Variants in CHSY3 observed in about 807,000 individuals in gnomAD.
CHSY3 encodes N-acetylgalactosaminyl-proteoglycan 3-beta-glucuronosyltransferase 3.
Under a neutral mutation model 67.2 loss-of-function variants are expected in CHSY3, and 35 were observed. The observed-to-expected ratio is 0.52, with a 90% CI of 0.40 to 0.69. The LOEUF is 0.69. Ranked by LOEUF, CHSY3 falls within the 30% of genes least tolerant of loss-of-function variation. The pLI is 0.00. For synonymous variants in CHSY3, 474 were observed against 434.7 expected, an observed-to-expected ratio of 1.09 and a Z score of -1.12; for missense variants, 1,069 against 1,138.5, an observed-to-expected ratio of 0.94 and a Z score of 0.88.
intron 2 of CHSY3, among the ~76,000 whole-genome samples, chr5:129,937,826 C>A (rs540502747): frequency 1.3e-5 from 2 of 152,152 alleles, no homozygotes; most frequent in African/African-American, 2.4e-5. Flanking sequence ...TGTCTCACAT[C>A]CAGGCTACAC....
At chr5:130,081,356 G>C (rs1400675086) in intron 2 of CHSY3, among the ~76,000 whole-genome samples, 1 of 150,646 alleles carries the variant, frequency 6.6e-6, no homozygotes, top group African/African-American at 2.4e-5. Flanking sequence ...TGCAGGACTT[G>C]GGGGAGGGGA....
chr5:130,175,934 A>AG (rs1379947575), intron 2 of CHSY3, among the ~76,000 whole-genome samples: 2 of 152,206 alleles, frequency 1.3e-5, no homozygotes, highest in Non-Finnish European at 2.9e-5. Flanking sequence ...TTCAGGACAT[A>AG]GGCACGGGCA....
chr5:129,948,548 T>G (rs1429601397), intron 2 of CHSY3, among the ~76,000 whole-genome samples: 1 of 152,240 alleles, frequency 6.6e-6, no homozygotes, highest in Non-Finnish European at 1.5e-5. Flanking sequence ...GTTATAAATA[T>G]ATGTTCACAC....
intron 2 of CHSY3, among the ~76,000 whole-genome samples, chr5:129,939,771 A>G (rs1407841937): frequency 6.6e-6 from 1 of 152,190 alleles, no homozygotes; most frequent in Non-Finnish European, 1.5e-5. Context: ...TTTCATGCAG[A>G]TCCTTTACTA....
intron 2 of CHSY3, among the ~76,000 whole-genome samples, chr5:130,099,533 T>C (rs1382468699): frequency 6.6e-6 from 1 of 152,222 alleles, no homozygotes; most frequent in Non-Finnish European, 1.5e-5. Context: ...TTAATACGTA[T>C]GTCTGTACGC....
At chr5:130,074,709 A>C (rs542361836) in intron 2 of CHSY3, among the ~76,000 whole-genome samples, 3 of 152,180 alleles carry the variant, frequency 2.0e-5, no homozygotes, top group Non-Finnish European at 4.4e-5. Context: ...AGATTATAAG[A>C]CTGTTCATTC....
intron 2 of CHSY3, among the ~76,000 whole-genome samples, chr5:129,951,391 CAT>C (rs200227697): frequency 0.022 from 3,283 of 152,236 alleles, 108 homozygotes; most frequent in African/African-American, 0.073. Flanking sequence ...AAAATAAACA[CAT>C]GAGGCTACAT....
chr5:129,913,482 TAAC>T (rs1220179722), intron 2 of CHSY3, among the ~76,000 whole-genome samples: 2 of 152,184 alleles, frequency 1.3e-5, no homozygotes, highest in Admixed American at 1.3e-4. Context: ...TTTTAGTAAA[TAAC>T]AAAAATATTC....
At chr5:129,922,638 C>T (rs1581369230) in intron 2 of CHSY3, among the ~76,000 whole-genome samples, 1 of 151,536 alleles carries the variant, frequency 6.6e-6, no homozygotes, top group South Asian at 2.1e-4. Context: ...TATGTCTTTT[C>T]AAAAATGTCA....
chr5:130,045,438 T>C (rs1289699451), intron 2 of CHSY3, among the ~76,000 whole-genome samples: 1 of 151,952 alleles, frequency 6.6e-6, no homozygotes, highest in Non-Finnish European at 1.5e-5. Context: ...GGAGTGGAGA[T>C]GTGAATGAGG....
intron 2 of CHSY3, among the ~76,000 whole-genome samples, chr5:130,155,344 T>G (rs1420543541): frequency 6.6e-6 from 1 of 152,216 alleles, no homozygotes; most frequent in Non-Finnish European, 1.5e-5. Context: ...CCTCTTTTTG[T>G]GCAGTAATCA....
Position 130,047,475 on chromosome 5 carries a change from C to A in CHSY3, c.1087-136754C>A, listed in dbSNP as rs145982534. 6.2e-3 allele frequency among the ~76,000 whole-genome samples: 937 copies of A among 152,160 alleles called. 13 individuals carry two copies. Among genetic ancestry groups the A allele is most frequent in the African/African-American group, 0.021 (863 of 41,542 alleles). On this transcript the variant is annotated intron_variant, in intron 2 of 2. Transcript: ENST00000305031. ...CTACATTGTAGGAAAGAATTGTCTT[C>A]TGAAATATTATAGGTTAGTAATTTA...
chr5:130,047,219 C>A (rs1765179812), intron 2 of CHSY3, among the ~76,000 whole-genome samples: 1 of 151,930 alleles, frequency 6.6e-6, no homozygotes, highest in Non-Finnish European at 1.5e-5. Context: ...TCTTCATATT[C>A]AATAATGTAT....
At chr5:129,940,307 A>G (rs1227788434) in intron 2 of CHSY3, among the ~76,000 whole-genome samples, 7 of 152,166 alleles carry the variant, frequency 4.6e-5, no homozygotes, top group Admixed American at 4.6e-4. Flanking sequence ...TATTGAGTTA[A>G]GATGTGATGA....
At chr5:130,141,599 C>T (rs559885898) in intron 2 of CHSY3, 9 of 502,320 alleles carry the variant, frequency 1.8e-5, no homozygotes, top group Non-Finnish European at 3.5e-5. Flanking sequence ...AAATACAGAG[C>T]TGAAGATGAG....
chr5:129,938,668 C>G (rs1761591158), intron 2 of CHSY3, among the ~76,000 whole-genome samples: 1 of 152,198 alleles, frequency 6.6e-6, no homozygotes, highest in Non-Finnish European at 1.5e-5. Context: ...CACAATGTCA[C>G]CAGTCTCTTT....
At chr5:130,052,498 G>A (rs928062771) in intron 2 of CHSY3, among the ~76,000 whole-genome samples, 2 of 152,118 alleles carry the variant, frequency 1.3e-5, no homozygotes, top group East Asian at 3.9e-4. Context: ...CCATGGCACT[G>A]CTCATGCCAG....
At chr5:130,065,083 T>C (rs1348779896) in intron 2 of CHSY3, among the ~76,000 whole-genome samples, 1 of 152,210 alleles carries the variant, frequency 6.6e-6, no homozygotes, top group African/African-American at 2.4e-5. Flanking sequence ...AAGAAGTCCT[T>C]TATTTTGCTA....
intron 2 of CHSY3, among the ~76,000 whole-genome samples, chr5:130,098,559 G>A (rs2149697079): frequency 6.6e-6 from 1 of 152,188 alleles, no homozygotes; most frequent in East Asian, 1.9e-4. Flanking sequence ...GAAAAAAAAT[G>A]GATAATAATA....
Sources: allele counts gnomAD v4.1 joint callset (sites outside exome capture counted in the v4.1 genomes callset), GRCh38; gene constraint gnomAD v4.1.1; transcripts MANE v1.5; gene names NCBI Gene and HGNC (gene_info 2026-07-23, HGNC 2026-07-21).